Variants in CASK observed in about 807,000 individuals in gnomAD.
The protein encoded by CASK is peripheral plasma membrane protein CASK.
CASK carries 4 observed loss-of-function variants against 82.9 expected under a neutral mutation model. The ratio of observed to expected loss-of-function variants is 0.05; its 90% CI spans 0.02 to 0.11. The LOEUF (loss-of-function observed/expected upper bound fraction) is 0.11. Ranked by LOEUF, CASK falls within the 10% of genes least tolerant of loss-of-function variation. CASK has a pLI of 1.00. For missense variants in CASK, 358 were observed against 720.9 expected, an observed-to-expected ratio of 0.50 and a Z score of 5.76; for synonymous variants, 259 against 253.5, an observed-to-expected ratio of 1.02 and a Z score of -0.20.
intron 5 of CASK, among the ~76,000 whole-genome samples, chrX:41,715,606 G>A (rs1314535745): frequency 1.9e-5 from 2 of 102,967 alleles, no homozygotes; most frequent in African/African-American, 7.2e-5. Context: ...CAGGAGACAA[G>A]AGCAAAACTC....
intron 2 of CASK, among the ~76,000 whole-genome samples, chrX:41,833,976 T>A (rs1351332841): frequency 9.0e-6 from 1 of 111,490 alleles, no homozygotes; most frequent in Admixed American, 9.5e-5. Flanking sequence ...GGTCTTGAAC[T>A]CTTAGGCTCA....
At position 41,671,538 on chromosome X, in the gene CASK, GA is replaced by G; in HGVS notation, c.430-9del. 8.9e-7 allele frequency: 1 copy of G among 1,121,353 alleles called. No homozygotes were observed. Among genetic ancestry groups the G allele is most frequent in the Non-Finnish European group, 1.2e-6 (1 of 813,915 alleles). The allele number at this position is 1,121,353 out of a possible 1,213,427, so 92.4% of individuals were successfully genotyped here. ...AAGGAGAACACAGTGGGGCTGAAAA[GA>G]AAAACAGACGAACAAACAAACAAAA... On this transcript the variant is annotated splice_polypyrimidine_tract_variant and intron_variant, in intron 5 of 26. Transcript: ENST00000378163.
chrX:41,749,859 C>T (rs1325745692), intron 3 of CASK, among the ~76,000 whole-genome samples: 1 of 111,717 alleles, frequency 9.0e-6, no homozygotes, highest in East Asian at 2.8e-4. Flanking sequence ...TCTCCACTTC[C>T]TTTCATGTCT....
intron 2 of CASK, among the ~76,000 whole-genome samples, chrX:41,844,817 G>A (rs1248527385): frequency 9.0e-6 from 1 of 111,303 alleles, no homozygotes; most frequent in African/African-American, 3.3e-5. Context: ...TTCAATATAG[G>A]CATTTACAAT....
At chrX:41,892,992 T>C (rs1240325254) in intron 1 of CASK, among the ~76,000 whole-genome samples, 1 of 112,067 alleles carries the variant, frequency 8.9e-6, no homozygotes, top group African/African-American at 3.3e-5. Flanking sequence ...AAATCAATTA[T>C]GAGACATTCA....
At chrX:41,602,911 T>C (rs1195625294) in intron 12 of CASK, among the ~76,000 whole-genome samples, 1 of 111,308 alleles carries the variant, frequency 9.0e-6, no homozygotes, top group African/African-American at 3.3e-5. Context: ...GCCCCTCCAG[T>C]TAGAAAACAG....
intron 2 of CASK, among the ~76,000 whole-genome samples, chrX:41,807,152 C>T (rs2070141023): frequency 9.0e-6 from 1 of 110,613 alleles, no homozygotes; most frequent in Admixed American, 9.7e-5. Context: ...GACTGTTTTG[C>T]TTTTATAAAC....
At chrX:41,835,763 A>C (rs1479879576) in intron 2 of CASK, among the ~76,000 whole-genome samples, 1 of 112,311 alleles carries the variant, frequency 8.9e-6, no homozygotes, top group East Asian at 2.8e-4. Flanking sequence ...AAGGCAAAAA[A>C]CAAGATGAAA....
At position 41,888,206 on chromosome X, in the gene CASK, G is replaced by C. The variant is rs1340009307; in HGVS notation, c.59+34724C>G. On this transcript the variant is annotated intron_variant, in intron 1 of 26. Coordinates refer to ENST00000378163, the MANE Select transcript of CASK (RefSeq NM_001367721.1). ...AGAATCCCCAATATCCTACAACTGG[G>C]AGGAGAAAAGAGGCCTTGGAATTAG... 3.6e-5 allele frequency among the ~76,000 whole-genome samples: 4 copies of C among 111,694 alleles called. No individual in the cohort carries two copies. In the Admixed American group the frequency reaches 3.8e-4, roughly 11 times the overall value.
chrX:41,516,906 G>C lies in CASK; in HGVS notation c.*3514C>G, dbSNP rs2064558910. The C allele has an allele frequency of 9.0e-6, 1 of 111,263 alleles. No homozygotes were observed. Among genetic ancestry groups the C allele is most frequent in the African/African-American group, 3.3e-5 (1 of 30,650 alleles). 9.2% of individuals were successfully genotyped at this position (111,263 alleles called of 1,213,427 possible). On this transcript the variant is annotated 3_prime_UTR_variant, in exon 27 of 27. Coordinates refer to ENST00000378163, the MANE Select transcript of CASK (RefSeq NM_001367721.1). ...CATCAGTGGGGGACAAAAGAGAGCT[G>C]GCTTTGGGCTGCCTTGTTTTTCAGG...
chrX:41,796,724 C>T (rs1392883931), intron 2 of CASK, among the ~76,000 whole-genome samples: 2 of 111,748 alleles, frequency 1.8e-5, no homozygotes, highest in African/African-American at 6.5e-5. Context: ...CATCTTCACA[C>T]CATCTACCAC....
chrX:41,658,973 T>A (rs926877290), intron 8 of CASK, among the ~76,000 whole-genome samples: 2 of 111,380 alleles, frequency 1.8e-5, no homozygotes, highest in Non-Finnish European at 3.8e-5. Flanking sequence ...AAGCAAAGAA[T>A]AGGGGCAAAA....
chrX:41,589,859 T>C (rs2065717081), intron 12 of CASK: 1 of 327,503 alleles, frequency 3.1e-6, no homozygotes, highest in East Asian at 6.0e-5. Context: ...TTAAAATTCA[T>C]CAATATTTCC....
chrX:41,772,448 G>A (rs2069263798), intron 3 of CASK, among the ~76,000 whole-genome samples: 1 of 105,416 alleles, frequency 9.5e-6, no homozygotes, highest in Non-Finnish European at 1.9e-5. Flanking sequence ...GAAAGAAAAA[G>A]AGAAGGCACA....
At chrX:41,663,486 A>T (rs1233288928) in intron 7 of CASK, among the ~76,000 whole-genome samples, 2 of 112,610 alleles carry the variant, frequency 1.8e-5, no homozygotes, top group African/African-American at 3.2e-5. Flanking sequence ...TAATACTAGG[A>T]AGAGGGAATT....
rs2064550661 is a variant in CASK at position 41,516,470 on chromosome X, T to G, written c.*3950A>C. 1 of 112,788 alleles carries G rather than the reference T, an allele frequency of 8.9e-6. No homozygotes were observed. The highest frequency in any genetic ancestry group is 1.9e-5 in the Non-Finnish European group (1 of 53,372). The allele number at this position is 112,788 out of a possible 1,213,427, so 9.3% of individuals were successfully genotyped here. ...ATCTGTGATTAAAGCTTGTAGCCTT[T>G]CTGTAAGCTGCAGTGAGAAGGAAAG... On this transcript the variant is annotated 3_prime_UTR_variant, in exon 27 of 27. Transcript: ENST00000378163.
At chrX:41,847,048 C>T (rs1237042834) in intron 2 of CASK, among the ~76,000 whole-genome samples, 1 of 111,875 alleles carries the variant, frequency 8.9e-6, no homozygotes, top group African/African-American at 3.2e-5. Flanking sequence ...TTTCAAGATA[C>T]TCCCCTTGTC....
intron 8 of CASK, among the ~76,000 whole-genome samples, chrX:41,658,132 C>T (rs1056100615): frequency 1.8e-5 from 2 of 112,016 alleles, no homozygotes; most frequent in Non-Finnish European, 3.8e-5. Context: ...TATGGAAGCT[C>T]TGCTCCCCTC....
chrX:41,813,574 C>G (rs941324874), intron 2 of CASK, among the ~76,000 whole-genome samples: 1 of 111,388 alleles, frequency 9.0e-6, no homozygotes, highest in Non-Finnish European at 1.9e-5. Flanking sequence ...TTCCTTACAC[C>G]TTATATAAAA....
Sources: gnomAD v4.1 joint callset for allele counts (sites outside exome capture counted in the v4.1 genomes callset) on GRCh38, gnomAD v4.1.1 for gene constraint, MANE v1.5 for transcripts, NCBI Gene and HGNC (gene_info 2026-07-23, HGNC 2026-07-21) for gene names.